Variants in RNF212 observed in about 807,000 individuals in gnomAD.
RNF212 encodes the protein probable E3 SUMO-protein ligase RNF212.
RNF212 carries 33 observed loss-of-function variants against 34.7 expected under a neutral mutation model. The ratio of observed to expected loss-of-function variants is 0.95; its 90% CI spans 0.72 to 1.27. The LOEUF is 1.27. Ranked by LOEUF, RNF212 falls within the 50% of genes most tolerant of loss-of-function variation. The pLI, the probability that RNF212 is intolerant of heterozygous loss-of-function variation, is 0.00. For synonymous variants in RNF212, 140 were observed against 136.1 expected (o/e 1.03, Z -0.20); for missense variants, 377 against 362.2 (o/e 1.04, Z -0.33).
intron 5 of RNF212, chr4:1,085,687 T>C (rs370672337): frequency 2.6e-5 from 15 of 587,236 alleles, no homozygotes; most frequent in East Asian, 5.7e-5. Flanking sequence ...AAACCATTCA[T>C]CTCTTTTTCA....
At chr4:1,070,399 G>A (rs1577632681), downstream of RNF212, among the ~76,000 whole-genome samples, 7 of 137,012 alleles carry the variant, frequency 5.1e-5, no homozygotes, top group South Asian at 2.5e-4. Context: ...CCTGAGTTGT[G>A]GGTGGTTTTG....
chr4:1,086,205 G>A (rs1560123253), intron 4 of RNF212, among the ~76,000 whole-genome samples: 1 of 152,116 alleles, frequency 6.6e-6, no homozygotes. Context: ...CACACAAGCC[G>A]GCAGGATGCA....
exon 5 of RNF212, chr4:1,056,397 G>T: frequency 5.0e-6 from 2 of 397,642 alleles, no homozygotes; most frequent in Non-Finnish European, 6.9e-6. Context: ...GTGGCTGGGT[G>T]CTCATCTTTC....
intron 8 of RNF212, among the ~76,000 whole-genome samples, chr4:1,078,679 C>T (rs2153040760): frequency 6.6e-6 from 1 of 152,398 alleles, no homozygotes; most frequent in East Asian, 1.9e-4. Flanking sequence ...TGCCCTTTCT[C>T]CTTGACACCA....
chr4:1,106,772 C>T (rs1724895443), intron 2 of RNF212, among the ~76,000 whole-genome samples: 1 of 152,190 alleles, frequency 6.6e-6, no homozygotes, highest in South Asian at 2.1e-4. Context: ...AGGCACTGAG[C>T]CTCTAAGCTG....
chr4:1,100,335 C>T (rs7686048), intron 2 of RNF212: 7,380 of 169,874 alleles, frequency 0.043, 599 homozygotes, highest in African/African-American at 0.17. Flanking sequence ...CCTTTTCACA[C>T]AGTGCACAGC....
intron 3 of RNF212, among the ~76,000 whole-genome samples, chr4:1,059,643 G>C (rs1717609790): frequency 6.6e-6 from 1 of 152,250 alleles, no homozygotes; most frequent in South Asian, 2.1e-4. Flanking sequence ...GGGGAACTAT[G>C]AGTGGAAACT....
rs201027038 is a variant in RNF212, at chr4:1,075,660, G to A, written c.511-1998C>T. Among the ~76,000 whole-genome samples, 4 of 152,168 alleles carry A rather than the reference G, an allele frequency of 2.6e-5. No homozygotes were observed. The East Asian group carries it at 7.7e-4, about 29-fold the overall frequency. On this transcript the variant is annotated intron_variant, in intron 8 of 9. Coordinates refer to ENST00000433731, the MANE Select transcript of RNF212 (RefSeq NM_001131034.4). The stretch of plus-strand genomic sequence containing the variant: ...GACAAATATCTAAACTATATCAGCT[G>A]GTTTCCCTCATTAACTCATAACCTT...
At chr4:1,066,338 C>CT (rs1718095239) in intron 3 of RNF212, among the ~76,000 whole-genome samples, 2 of 151,970 alleles carry the variant, frequency 1.3e-5, no homozygotes, top group African/African-American at 4.8e-5. Context: ...CTCCGCTTTT[C>CT]TTTTTTCTGA....
At chr4:1,095,274 C>A (rs879244618) in intron 3 of RNF212, among the ~76,000 whole-genome samples, 3 of 91,218 alleles carry the variant, frequency 3.3e-5, no homozygotes, top group African/African-American at 1.3e-4. Context: ...ACCAAGCACA[C>A]CCCCCACAGC....
At chr4:1,108,912 A>G (rs1273374853) in intron 1 of RNF212, among the ~76,000 whole-genome samples, 4 of 151,678 alleles carry the variant, frequency 2.6e-5, no homozygotes, top group African/African-American at 7.3e-5. Flanking sequence ...TGTTGCCCAC[A>G]CTGGGCTCGA....
At chr4:1,078,168 C>T (rs905151755) in intron 8 of RNF212, among the ~76,000 whole-genome samples, 10 of 152,196 alleles carry the variant, frequency 6.6e-5, no homozygotes, top group East Asian at 1.9e-4. Flanking sequence ...CACACTGTGT[C>T]GCACAACCCG....
In RNF212 at chr4:1,097,562, G is replaced by A. The variant is rs372416244; in HGVS notation, c.172-723C>T. ...AGAGCTTGCAGTGAGCCGAGATTAC[G>A]CCACTGCACTCCAGCCTGGGCAAAA... On this transcript the variant is annotated intron_variant, in intron 2 of 9. Coordinates refer to ENST00000433731, the MANE Select transcript of RNF212 (RefSeq NM_001131034.4). Among the ~76,000 whole-genome samples the A allele has an allele frequency of 1.8e-3, 272 of 152,152 alleles. 2 individuals carry two copies. Among genetic ancestry groups the A allele is most frequent in the Non-Finnish European group, 2.9e-3 (194 of 67,980 alleles).
downstream of RNF212, among the ~76,000 whole-genome samples, chr4:1,067,082 T>C (rs538277380): frequency 1.8e-4 from 27 of 152,308 alleles, no homozygotes; most frequent in South Asian, 3.5e-3. Context: ...TCTTTCTCCA[T>C]TGAATAGTGT....
At chr4:1,094,083 T>C in intron 3 of RNF212, 1 of 1,409,858 alleles carries the variant, frequency 7.1e-7, no homozygotes, top group Non-Finnish European at 9.3e-7. Flanking sequence ...GGGACCTGGC[T>C]GACCACAGCC....
chr4:1,092,050 C>T (rs553242756), intron 3 of RNF212, among the ~76,000 whole-genome samples: 37 of 152,354 alleles, frequency 2.4e-4, no homozygotes, highest in Non-Finnish European at 4.3e-4. Flanking sequence ...CACCTGCACA[C>T]GCCCCTCAAA....
intron 8 of RNF212, among the ~76,000 whole-genome samples, chr4:1,074,983 G>C (rs551033472): frequency 6.6e-6 from 1 of 152,136 alleles, no homozygotes; most frequent in African/African-American, 2.4e-5. Context: ...CCGTCCCTTC[G>C]AACTACATTC....
intron 3 of RNF212, 122 bp from the exon 4 acceptor site, chr4:1,090,960 T>C (rs1047505599): frequency 3.1e-6 from 2 of 647,236 alleles, no homozygotes; most frequent in Admixed American, 2.8e-5. Flanking sequence ...GTCTTACGTG[T>C]GTCCTGCCCC....
intron 8 of RNF212, 139 bp from the exon 9 acceptor site, chr4:1,073,801 T>C (rs1366831009): frequency 4.6e-5 from 31 of 669,070 alleles, no homozygotes; most frequent in Non-Finnish European, 7.6e-5. Flanking sequence ...AGTTCCTGTC[T>C]AACTTGATTC....
Sources: allele counts gnomAD v4.1 joint callset (sites outside exome capture counted in the v4.1 genomes callset), GRCh38; gene constraint gnomAD v4.1.1; transcripts MANE v1.5; gene names NCBI Gene and HGNC (gene_info 2026-07-23, HGNC 2026-07-21).